Variants in AGBL4 observed in about 807,000 individuals in gnomAD.
The protein encoded by AGBL4 is AGBL carboxypeptidase 4, also known as cytosolic carboxypeptidase 6.
In AGBL4, 58 loss-of-function variants were observed where a neutral mutation model predicts 66.4. That is an observed-to-expected ratio of 0.87 (90% CI 0.71 to 1.09). AGBL4 has a LOEUF of 1.09. Among genes scored for constraint, AGBL4 ranks in the 50% least tolerant of loss-of-function variants. The pLI is 0.00. For missense variants in AGBL4, 579 were observed against 631.0 expected, an observed-to-expected ratio of 0.92 and a Z score of 0.88; for synonymous variants, 234 against 222.9, an observed-to-expected ratio of 1.05 and a Z score of -0.44.
intron 2 of AGBL4, among the ~76,000 whole-genome samples, chr1:49,755,847 G>A (rs1173996161): frequency 6.6e-6 from 1 of 152,174 alleles, no homozygotes; most frequent in Non-Finnish European, 1.5e-5. Context: ...GTGCCAGAGT[G>A]ATCTTTCTAA....
At chr1:48,722,867 G>C (rs1221965394) in intron 6 of AGBL4, among the ~76,000 whole-genome samples, 1 of 152,138 alleles carries the variant, frequency 6.6e-6, no homozygotes, top group African/African-American at 2.4e-5. Flanking sequence ...CAACCAGGAT[G>C]GTCACAGTTC....
intron 4 of AGBL4, among the ~76,000 whole-genome samples, chr1:49,069,559 C>T (rs778935088): frequency 2.6e-5 from 4 of 151,698 alleles, no homozygotes; most frequent in Non-Finnish European, 4.4e-5. Flanking sequence ...GTGTTTTTTT[C>T]TGAGGGCCTC....
At chr1:49,592,613 C>T (rs1644772822) in intron 3 of AGBL4, among the ~76,000 whole-genome samples, 2 of 152,092 alleles carry the variant, frequency 1.3e-5, no homozygotes, top group Admixed American at 6.6e-5. Context: ...GAAGAGTATA[C>T]ATGTGAACAA....
At chr1:49,576,082 TG>T (rs1219565259) in intron 3 of AGBL4, among the ~76,000 whole-genome samples, 3 of 152,220 alleles carry the variant, frequency 2.0e-5, no homozygotes, top group African/African-American at 7.2e-5. Context: ...TACAGTAGTC[TG>T]GGGACTGTTG....
intron 5 of AGBL4, among the ~76,000 whole-genome samples, chr1:48,898,110 C>G (rs1651715766): frequency 6.6e-6 from 1 of 152,102 alleles, no homozygotes; most frequent in Admixed American, 6.5e-5. Flanking sequence ...CCCACCCAGA[C>G]TGCCCACTTT....
chr1:49,151,977 A>C (rs1168584656), intron 4 of AGBL4, among the ~76,000 whole-genome samples: 4 of 152,156 alleles, frequency 2.6e-5, no homozygotes. Flanking sequence ...AAATACTGGA[A>C]AGAGAGACAA....
chr1:48,696,875 G>T (rs538905256), intron 6 of AGBL4, among the ~76,000 whole-genome samples: 1 of 152,114 alleles, frequency 6.6e-6, no homozygotes, highest in South Asian at 2.1e-4. Context: ...GCCACCTCCC[G>T]GTGTCCCTGA....
intron 6 of AGBL4, among the ~76,000 whole-genome samples, chr1:48,726,715 C>A (rs966362780): frequency 7.2e-5 from 11 of 152,238 alleles, no homozygotes; most frequent in African/African-American, 2.4e-4. Context: ...CTTTTGGTTA[C>A]AGACTACCAA....
intron 5 of AGBL4, among the ~76,000 whole-genome samples, chr1:48,894,675 A>T (rs1651329923): frequency 6.6e-6 from 1 of 152,198 alleles, no homozygotes; most frequent in African/African-American, 2.4e-5. Flanking sequence ...ATGTAGATAC[A>T]TTTACTGGTT....
intron 3 of AGBL4, among the ~76,000 whole-genome samples, chr1:49,673,721 T>G (rs183190882): frequency 6.6e-6 from 1 of 152,256 alleles, no homozygotes; most frequent in Non-Finnish European, 1.5e-5. Context: ...GGTATTCTGT[T>G]GACTGCTGCA....
chr1:49,845,116 G>C, intron 2 of AGBL4: 1 of 1,446,358 alleles, frequency 6.9e-7, no homozygotes, highest in Non-Finnish European at 9.7e-7. Flanking sequence ...TCACAGCTCA[G>C]CACTTACCCA....
At chr1:49,154,007 T>C (rs1646385332) in intron 4 of AGBL4, among the ~76,000 whole-genome samples, 1 of 151,994 alleles carries the variant, frequency 6.6e-6, no homozygotes, top group Non-Finnish European at 1.5e-5. Context: ...AGAGAAGACA[T>C]AAAAATCAAG....
At chr1:49,573,956 G>A (rs894128088) in intron 3 of AGBL4, among the ~76,000 whole-genome samples, 6 of 152,114 alleles carry the variant, frequency 3.9e-5, no homozygotes, top group African/African-American at 7.2e-5. Context: ...TCAGCCTGTC[G>A]ATCTTTGTCT....
intron 3 of AGBL4, among the ~76,000 whole-genome samples, chr1:49,249,729 A>T (rs1280565671): frequency 6.6e-6 from 1 of 152,214 alleles, no homozygotes; most frequent in Non-Finnish European, 1.5e-5. Flanking sequence ...GCATTTATCC[A>T]AAGGAAAGGA....
chr1:48,832,808 T>C (rs1646585271), intron 6 of AGBL4, among the ~76,000 whole-genome samples: 1 of 152,094 alleles, frequency 6.6e-6, no homozygotes, highest in Non-Finnish European at 1.5e-5. Flanking sequence ...AAAGGGAAAA[T>C]TTGCTCTCTT....
At chr1:48,708,702 C>T (rs1482553648) in intron 6 of AGBL4, among the ~76,000 whole-genome samples, 1 of 152,232 alleles carries the variant, frequency 6.6e-6, no homozygotes, top group African/African-American at 2.4e-5. Context: ...AAGCTCATTC[C>T]CTTCTTTCAG....
At chr1:49,411,034 G>A (rs545512313) in intron 3 of AGBL4, among the ~76,000 whole-genome samples, 2 of 152,124 alleles carry the variant, frequency 1.3e-5, no homozygotes, top group African/African-American at 2.4e-5. Flanking sequence ...TCACACCATC[G>A]CAAGGTGAAG....
At chr1:49,035,803 C>G (rs1354509516) in intron 5 of AGBL4, among the ~76,000 whole-genome samples, 1 of 152,008 alleles carries the variant, frequency 6.6e-6, no homozygotes, top group Non-Finnish European at 1.5e-5. Context: ...CCTACTGTTA[C>G]AAAGGGCATA....
In AGBL4 at chr1:49,152,265, G is replaced by A. The variant is rs960569358; in HGVS notation, c.377+93505C>T. On this transcript the variant is annotated intron_variant, in intron 4 of 13. Coordinates refer to ENST00000371839, the MANE Select transcript of AGBL4 (RefSeq NM_032785.4). ...AAACCCTCCTTTCCCTGGTGGAATA[G>A]GTGACTGAATGGAAGCACTCCCTTC... Among the ~76,000 whole-genome samples the A allele has an allele frequency of 3.9e-5, 6 of 152,280 alleles. No individual in the cohort carries two copies. In the South Asian group the frequency reaches 8.3e-4, roughly 21 times the overall value.
Sources: gnomAD v4.1 joint callset for allele counts (sites outside exome capture counted in the v4.1 genomes callset) on GRCh38, gnomAD v4.1.1 for gene constraint, MANE v1.5 for transcripts, NCBI Gene and HGNC (gene_info 2026-07-23, HGNC 2026-07-21) for gene names.